APOBEC3A: variants seen among roughly 807,000 people sequenced by gnomAD.
APOBEC3A encodes the protein DNA dC->dU-editing enzyme APOBEC-3A.
In APOBEC3A, 13 loss-of-function variants were observed where a neutral mutation model predicts 23.0. That is an observed-to-expected ratio of 0.57 (90% CI 0.37 to 0.90). The LOEUF (loss-of-function observed/expected upper bound fraction) is 0.90. APOBEC3A is among the 40% of genes least tolerant of loss of function. APOBEC3A has a pLI of 0.01. For synonymous variants in APOBEC3A, 74 were observed against 101.3 expected (o/e 0.73, Z 1.62); for missense variants, 179 against 264.9 (o/e 0.68, Z 2.25).
chr22:38,958,804 CTTCT>C (rs1922729385), intron 1 of APOBEC3A, among the ~76,000 whole-genome samples: 1 of 110,812 alleles, frequency 9.0e-6, no homozygotes, highest in African/African-American at 3.5e-5. Flanking sequence ...TCTTTCCTTC[CTTCT>C]TTCTCTTTCC....
chr22:38,961,594 C>G lies in APOBEC3A; in HGVS notation c.382C>G (p.Arg128Gly), dbSNP rs374922066. The G allele has an allele frequency of 7.2e-6, 11 of 1,534,286 alleles. No homozygotes were observed. The Admixed American group carries it at 1.5e-4, about 22-fold the overall frequency. ...THVRLRIFAARIYDYDPLYKE... is the reference protein window; with the variant it reads ...THVRLRIFAAGIYDYDPLYKE... ...CGTGAGACTGCGTATCTTCGCTGCC[C>G]GCATCTATGATTACGACCCCCTATA... is the stretch of plus-strand genomic sequence containing the variant. Residue 128 changes from arginine to glycine, a missense_variant, in exon 3 of 5, where the codon CGC becomes GGC. Coordinates refer to ENST00000249116, the MANE Select transcript of APOBEC3A (RefSeq NM_145699.4).
At position 38,959,762 on chromosome 22, in the gene APOBEC3A, T is replaced by C; in HGVS notation, c.174+76T>C. The C allele has an allele frequency of 1.9e-6, 3 of 1,551,104 alleles. 1 individual carries two copies. In the South Asian group the frequency reaches 3.6e-5, roughly 19 times the overall value. Reference sequence around the variant, plus strand: ...CATTCATAGGTAGAAGGTTCCGGATTGTACTTGTGGTTTCCTGCAGTGTTT... The same window carrying C: ...CATTCATAGGTAGAAGGTTCCGGATCGTACTTGTGGTTTCCTGCAGTGTTT... On this transcript the variant is annotated intron_variant, in intron 2 of 4. Transcript: ENST00000249116.
intron 2 of APOBEC3A, among the ~76,000 whole-genome samples, chr22:38,960,398 C>A (rs1182130562): frequency 6.6e-6 from 1 of 152,198 alleles, no homozygotes; most frequent in Non-Finnish European, 1.5e-5. Flanking sequence ...TGGGACTCCC[C>A]CAGGAACGAC....
At chr22:38,958,343 T>C (rs1603263386) in intron 1 of APOBEC3A, among the ~76,000 whole-genome samples, 1 of 149,676 alleles carries the variant, frequency 6.7e-6, no homozygotes, top group Non-Finnish European at 1.5e-5. Flanking sequence ...TCTTCTTTCT[T>C]TCTCTCTCTC....
chr22:38,958,382 TTCTC>T (rs779540810), intron 1 of APOBEC3A, among the ~76,000 whole-genome samples: 23 of 134,954 alleles, frequency 1.7e-4, no homozygotes, highest in Admixed American at 4.2e-4. Flanking sequence ...TTTTTCTTCT[TTCTC>T]TCTCTTCCCT....
Position 38,962,143 on chromosome 22 carries a change from C to T in APOBEC3A, c.515C>T (p.Pro172Leu). The change falls in exon 4 of 5, where the codon CCC becomes CTC. Residue 172 changes from proline to leucine, a missense_variant. Around this residue, in one of 5 missense-constraint regions of APOBEC3A, gnomAD observed 37 missense variants for 43.1 expected, o/e 0.86. Coordinates refer to ENST00000249116, the MANE Select transcript of APOBEC3A (RefSeq NM_145699.4). The stretch of plus-strand genomic sequence containing the variant: ...ACCTTTGTGGACCACCAGGGATGTC[C>T]CTTCCAGCCCTGGGATGGACTAGAT... ...WDTFVDHQGCPFQPWDGLDEH... is the reference protein window; with the variant it reads ...WDTFVDHQGCLFQPWDGLDEH... 6.2e-7 allele frequency: 1 copy of T among 1,613,222 alleles called. No homozygotes were observed. Among genetic ancestry groups the T allele is most frequent in the South Asian group, 1.1e-5 (1 of 91,050 alleles).
chr22:38,961,945 C>A (rs575422080), intron 3 of APOBEC3A, among the ~76,000 whole-genome samples, 153 bp from the exon 4 acceptor site: 1 of 151,930 alleles, frequency 6.6e-6, no homozygotes, highest in East Asian at 1.9e-4. Flanking sequence ...TGGGAAGGAA[C>A]TGCCTGATGA....
chr22:38,958,894 G>T (rs556104949), intron 1 of APOBEC3A, among the ~76,000 whole-genome samples: 3 of 146,966 alleles, frequency 2.0e-5, no homozygotes, highest in South Asian at 2.1e-4. Flanking sequence ...TCCCAACAGA[G>T]ATTTTTCTAA....
At position 38,959,628 on chromosome 22, in the gene APOBEC3A, G is replaced by A. The variant is rs533467459; in HGVS notation, c.116G>A (p.Arg39His). Residue 39 changes from arginine (R) to histidine (H), a missense_variant, in exon 2 of 5, where the codon CGC (arginine) becomes CAC (histidine). Transcript: ENST00000249116. ...ACCTACCTGTGCTACGAAGTGGAGC[G>A]CCTGGACAATGGCACCTCGGTCAAG... Reference protein sequence around the residue: ...HKTYLCYEVERLDNGTSVKMD... With the variant: ...HKTYLCYEVEHLDNGTSVKMD... The A allele has an allele frequency of 2.0e-5, 32 of 1,614,096 alleles. No homozygotes were observed. The highest frequency in any genetic ancestry group is 5.0e-5 in the Admixed American group (3 of 60,018).
At chr22:38,962,355 C>T in intron 4 of APOBEC3A, 140 bp from the exon 5 acceptor site, 1 of 1,556,406 alleles carries the variant, frequency 6.4e-7, no homozygotes, top group Non-Finnish European at 8.7e-7. Flanking sequence ...CCTCCCTTTC[C>T]TTCTCACAGC....
chr22:38,957,865 C>A, intron 1 of APOBEC3A, 145 bp downstream of exon 1: 6 of 1,100,418 alleles, frequency 5.5e-6, no homozygotes, highest in East Asian at 2.6e-5. Flanking sequence ...GCTCTAGGTT[C>A]CCAGTTTTGG....
At chr22:38,959,136 C>T (rs1237142296) in intron 1 of APOBEC3A, among the ~76,000 whole-genome samples, 1 of 152,180 alleles carries the variant, frequency 6.6e-6, no homozygotes, top group Non-Finnish European at 1.5e-5. Flanking sequence ...TGTCCCGATG[C>T]TCGGTGTGGT....
intron 1 of APOBEC3A, among the ~76,000 whole-genome samples, 166 bp downstream of exon 1, chr22:38,957,886 G>A (rs1922641326): frequency 1.3e-5 from 2 of 152,110 alleles, no homozygotes; most frequent in Non-Finnish European, 1.5e-5. Flanking sequence ...TCCCAGCGCT[G>A]GTCTCTCCTC....
intron 2 of APOBEC3A, among the ~76,000 whole-genome samples, chr22:38,960,377 C>T (rs555363019): frequency 3.0e-4 from 46 of 152,286 alleles, no homozygotes; most frequent in African/African-American, 1.0e-3. Context: ...TCTCCATCAC[C>T]GCCTAAGCAG....
intron 2 of APOBEC3A, among the ~76,000 whole-genome samples, chr22:38,960,477 CCTGT>C (rs1922831302): frequency 6.6e-6 from 1 of 152,208 alleles, no homozygotes; most frequent in South Asian, 2.1e-4. Flanking sequence ...GGAGTCCCTC[CCTGT>C]CTTTGTCCCC....
chr22:38,962,043 G>T, intron 3 of APOBEC3A, 55 bp from the exon 4 acceptor site: 1 of 1,572,120 alleles, frequency 6.4e-7, no homozygotes, highest in Non-Finnish European at 8.7e-7. Context: ...TGGGCCCTAG[G>T]TGCCACCCCG....
At chr22:38,958,330 C>G (rs2039381028) in intron 1 of APOBEC3A, among the ~76,000 whole-genome samples, 1 of 149,698 alleles carries the variant, frequency 6.7e-6, no homozygotes, top group Non-Finnish European at 1.5e-5. Flanking sequence ...CTCTCTCTTT[C>G]TTTCTTCTTT....
Position 38,957,634 on chromosome 22 carries a change from C to T in APOBEC3A, c.-58C>T, listed in dbSNP as rs1296842412. The T allele has an allele frequency of 6.3e-7, 1 of 1,598,596 alleles. No homozygotes were observed. The highest frequency in any genetic ancestry group is 8.5e-7 in the Non-Finnish European group (1 of 1,171,272). On this transcript the variant is annotated 5_prime_UTR_variant, in exon 1 of 5. Transcript: ENST00000249116. ...GTTGGTGAAGATCTTAACACCACGC[C>T]TTGAGCAAGTCGCAAGAGCGGGAGG...
At chr22:38,958,224 T>C (rs553901144) in intron 1 of APOBEC3A, among the ~76,000 whole-genome samples, 238 of 152,330 alleles carry the variant, frequency 1.6e-3, no homozygotes, top group Non-Finnish European at 1.9e-3. Context: ...CCCAGATTCA[T>C]GCCCAGGTCT....
Sources: gnomAD v4.1 joint callset for allele counts (sites outside exome capture counted in the v4.1 genomes callset) on GRCh38, gnomAD v4.1.1 for gene constraint, gnomAD v4.1.1 regional missense constraint, MANE v1.5 for transcripts, NCBI Gene and HGNC (gene_info 2026-07-23, HGNC 2026-07-21) for gene names.